Variants in CBFA2T2 observed in about 807,000 individuals in gnomAD.
CBFA2T2 encodes the protein protein CBFA2T2.
Under a neutral mutation model 62.2 loss-of-function variants are expected in CBFA2T2, and 11 were observed. The observed-to-expected ratio is 0.18, with a 90% CI of 0.11 to 0.29. CBFA2T2 has a LOEUF of 0.29. Among genes scored for constraint, CBFA2T2 ranks in the 10% least tolerant of loss-of-function variants. The probability of loss-of-function intolerance (pLI) is 1.00; values close to 1 mark genes in which losing one functional copy is unlikely to be tolerated. For synonymous variants in CBFA2T2, 295 were observed against 287.5 expected (o/e 1.03, Z -0.27); for missense variants, 592 against 774.1 (o/e 0.76, Z 2.79).
chr20:33,543,064 A>T (rs2012448283), intron 1 of CBFA2T2, among the ~76,000 whole-genome samples: 1 of 151,814 alleles, frequency 6.6e-6, no homozygotes. Flanking sequence ...CCCAGGCTGG[A>T]GTGCAGTGGC....
In CBFA2T2 at chr20:33,559,248, G is replaced by A. The variant is rs1238759611; in HGVS notation, c.35-47708G>A. Reference sequence around the variant, plus strand: ...GCTGGAGTACAATGGGGCAATCTTGGCTCCAACCTCTGCCTTCCTGGTTCA... The same window carrying A: ...GCTGGAGTACAATGGGGCAATCTTGACTCCAACCTCTGCCTTCCTGGTTCA... On this transcript the variant is annotated intron_variant, in intron 1 of 10. Coordinates refer to ENST00000342704, the MANE Select transcript of CBFA2T2 (RefSeq NM_001032999.3). Among the ~76,000 whole-genome samples the A allele has an allele frequency of 3.5e-5, 5 of 144,808 alleles. No homozygotes were observed. The Admixed American group carries it at 3.5e-4, about 10-fold the overall frequency. 95.0% of individuals were successfully genotyped at this position (144,808 alleles called of 152,430 possible). A position where few individuals can be genotyped will look rare whatever the true frequency, so the allele number is the denominator to read the frequency against.
rs73259808 is a variant in CBFA2T2 at position 33,593,879 on chromosome 20, C to A, written c.35-13077C>A. Among the ~76,000 whole-genome samples, 886 of 152,276 alleles carry A rather than the reference C, an allele frequency of 5.8e-3. 7 individuals are homozygous for A. Among genetic ancestry groups the A allele is most frequent in the African/African-American group, 0.02 (832 of 41,562 alleles). The stretch of plus-strand genomic sequence containing the variant: ...TGTCCACACATATCCCAAAGGGTCT[C>A]CAGGGCCCCCAACGGTCCCAGGACC... On this transcript the variant is annotated intron_variant, in intron 1 of 10. Coordinates refer to ENST00000342704, the MANE Select transcript of CBFA2T2 (RefSeq NM_001032999.3).
At chr20:33,630,603 G>A (rs977774693) in intron 8 of CBFA2T2, among the ~76,000 whole-genome samples, 23 of 152,184 alleles carry the variant, frequency 1.5e-4, no homozygotes, top group African/African-American at 4.8e-4. Flanking sequence ...GCAATCCAGA[G>A]TACATCCAGC....
chr20:33,634,609 T>TGCAGTGA (rs1014879351), intron 8 of CBFA2T2, among the ~76,000 whole-genome samples: 6 of 139,874 alleles, frequency 4.3e-5, no homozygotes, highest in Non-Finnish European at 9.0e-5. Context: ...AGGCAGAACT[T>TGCAGTGA]GCAGTGAGCT....
intron 1 of CBFA2T2, among the ~76,000 whole-genome samples, chr20:33,534,923 A>T (rs2012165567): frequency 6.6e-6 from 1 of 152,192 alleles, no homozygotes; most frequent in Non-Finnish European, 1.5e-5. Flanking sequence ...AAACTGTGAA[A>T]TGTCGCAAAA....
intron 1 of CBFA2T2, among the ~76,000 whole-genome samples, chr20:33,517,484 C>G (rs2011622840): frequency 7.0e-6 from 1 of 142,588 alleles, no homozygotes; most frequent in Non-Finnish European, 1.5e-5. Flanking sequence ...GAGTCTCGCT[C>G]TGTTGTCCAG....
At chr20:33,524,075 CTTTT>C (rs1568799713) in intron 1 of CBFA2T2, among the ~76,000 whole-genome samples, 1 of 151,740 alleles carries the variant, frequency 6.6e-6, no homozygotes, top group African/African-American at 2.4e-5. Flanking sequence ...TTTTGTCCCT[CTTTT>C]TTTGTTTTCT....
At chr20:33,600,541 G>A in intron 1 of CBFA2T2, 1 of 354,022 alleles carries the variant, frequency 2.8e-6, no homozygotes, top group Non-Finnish European at 5.5e-6. Flanking sequence ...CCTATGCTTG[G>A]CAGTGATTGA....
At position 33,640,428 on chromosome 20, in the gene CBFA2T2, T is replaced by C; in HGVS notation, c.1385T>C (p.Ile462Thr). The C allele has an allele frequency of 1.2e-6, 2 of 1,614,264 alleles. No individual in the cohort carries two copies. Among genetic ancestry groups the C allele is most frequent in the African/African-American group, 1.3e-5 (1 of 75,082 alleles). ...AEAEQKAFEV[I>T]ATERARMEQT... ...GCAGAGCAGAAAGCCTTTGAAGTGA[T>C]TGCAACAGAGAGAGCACGAATGGAG... is the stretch of plus-strand genomic sequence containing the variant. Residue 462 changes from isoleucine to threonine, a missense_variant, in exon 10 of 11, where the codon ATT becomes ACT. Transcript: ENST00000342704.
At chr20:33,594,057 A>G (rs756680668) in intron 1 of CBFA2T2, among the ~76,000 whole-genome samples, 2 of 152,192 alleles carry the variant, frequency 1.3e-5, no homozygotes, top group Non-Finnish European at 2.9e-5. Flanking sequence ...TACGTGATGA[A>G]TGGACTGAAG....
At chr20:33,629,603 T>C in intron 7 of CBFA2T2, 116 bp from the exon 8 acceptor site, 1 of 923,402 alleles carries the variant, frequency 1.1e-6, no homozygotes, top group Non-Finnish European at 1.7e-6. Context: ...AAACTTGATA[T>C]TCCTAAATCT....
chr20:33,616,168 T>C (rs1008974312), intron 3 of CBFA2T2, among the ~76,000 whole-genome samples: 4 of 152,162 alleles, frequency 2.6e-5, no homozygotes, highest in African/African-American at 9.7e-5. Context: ...GATATAGATA[T>C]AGATACATAC....
chr20:33,558,826 G>GT (rs1555835158), intron 1 of CBFA2T2, among the ~76,000 whole-genome samples: 1 of 151,820 alleles, frequency 6.6e-6, no homozygotes, highest in Admixed American at 6.6e-5. Flanking sequence ...AACTGTTTGG[G>GT]GGGGCGGCGA....
chr20:33,509,634 C>T (rs914680603), intron 1 of CBFA2T2, among the ~76,000 whole-genome samples: 2 of 151,894 alleles, frequency 1.3e-5, no homozygotes, highest in African/African-American at 4.8e-5. Flanking sequence ...TTGAGACCAG[C>T]CTGGCCCAAT....
chr20:33,614,744 CTTT>C (rs1372746363), intron 3 of CBFA2T2, among the ~76,000 whole-genome samples: 1 of 152,168 alleles, frequency 6.6e-6, no homozygotes, highest in Non-Finnish European at 1.5e-5. Flanking sequence ...GACTTTCCTA[CTTT>C]TTAAGGCTAA....
chr20:33,607,639 T>G (rs2015386746), intron 2 of CBFA2T2, among the ~76,000 whole-genome samples: 2 of 152,212 alleles, frequency 1.3e-5, no homozygotes, highest in Non-Finnish European at 2.9e-5. Flanking sequence ...TTGTAGATGG[T>G]TGCCTTCTTG....
At chr20:33,517,017 T>C (rs2011611317) in intron 1 of CBFA2T2, among the ~76,000 whole-genome samples, 1 of 152,210 alleles carries the variant, frequency 6.6e-6, no homozygotes, top group African/African-American at 2.4e-5. Flanking sequence ...CAGAGAACTT[T>C]CTAAATGCTC....
intron 1 of CBFA2T2, among the ~76,000 whole-genome samples, chr20:33,589,745 C>T (rs1339739656): frequency 6.6e-6 from 1 of 152,070 alleles, no homozygotes; most frequent in Non-Finnish European, 1.5e-5. Flanking sequence ...CCAGCCACTG[C>T]CTCATACCCA....
Position 33,644,664 on chromosome 20 carries a change from C to A in CBFA2T2, c.*18C>A, listed in dbSNP as rs2016989489. 1.3e-6 allele frequency: 2 copies of A among 1,580,088 alleles called. No individual in the cohort carries two copies. The highest frequency in any genetic ancestry group is 1.3e-5 in the African/African-American group (1 of 74,542). On this transcript the variant is annotated 3_prime_UTR_variant, in exon 11 of 11. Transcript: ENST00000342704. Reference sequence around the variant, plus strand: ...GACTCTGAGCCCCGGACTCTGCTTACCCTGATGGCTGCTCAGCACCACAGA... The same window carrying A: ...GACTCTGAGCCCCGGACTCTGCTTAACCTGATGGCTGCTCAGCACCACAGA...
Sources: allele counts gnomAD v4.1 joint callset (sites outside exome capture counted in the v4.1 genomes callset), GRCh38; gene constraint gnomAD v4.1.1; transcripts MANE v1.5; gene names NCBI Gene and HGNC (gene_info 2026-07-23, HGNC 2026-07-21).